The following HTT variants were observed in gnomAD, a reference collection of about 807,000 sequenced individuals.
HTT encodes huntington disease protein.
Under a neutral mutation model 362.3 loss-of-function variants are expected in HTT, and 104 were observed. The ratio of observed to expected loss-of-function variants is 0.29; its 90% CI spans 0.24 to 0.34. The LOEUF (loss-of-function observed/expected upper bound fraction) is 0.34, where lower values mean the gene tolerates loss of function less well. HTT is among the 10% of genes least tolerant of loss of function. The pLI is 1.00. For synonymous variants in HTT, 1,577 were observed against 1,548.7 expected, an observed-to-expected ratio of 1.02 and a Z score of -0.43; for missense variants, 3,301 against 3,928.6, an observed-to-expected ratio of 0.84 and a Z score of 4.27.
intron 34 of HTT, 99 bp from the exon 35 acceptor site, chr4:3,178,199 C>A: frequency 2.2e-6 from 2 of 917,012 alleles, no homozygotes; most frequent in Non-Finnish European, 3.4e-6. Flanking sequence ...TTGATGTGTG[C>A]TTGCTGTCAA....
chr4:3,095,607 T>A (rs1324869864), intron 2 of HTT, among the ~76,000 whole-genome samples: 2 of 152,138 alleles, frequency 1.3e-5, no homozygotes, highest in Non-Finnish European at 2.9e-5. Context: ...AAAGAAAAAA[T>A]TTTTTGTTTG....
rs765452818 is a variant in HTT at position 3,217,867 on chromosome 4, C to A, written c.7157C>A (p.Ala2386Glu). The A allele has an allele frequency of 6.2e-7, 1 of 1,614,050 alleles. No individual in the cohort carries two copies. Among genetic ancestry groups the A allele is most frequent in the African/African-American group, 1.3e-5 (1 of 74,940 alleles). The change falls in exon 52 of 67, where the codon GCG becomes GAG. Residue 2386 changes from alanine to glutamate, a missense_variant. Physicochemically the swap from Ala to Glu is moderately radical, Grantham distance 107 (BLOSUM62 -1). This residue lies in a region of HTT where 753 missense variants were observed against 1,021.3 expected (regional missense o/e 0.74). Coordinates refer to ENST00000355072, the MANE Select transcript of HTT (RefSeq NM_001388492.1). ...LGHKRNSGVP[A>E]FLTPLLRNII... is the part of the protein sequence containing the mutation. ...CATAAAAGGAATAGCGGCGTGCCGG[C>A]GTTTCTCACGCCATTGCTAAGGAAC...
chr4:3,115,070 T>C (rs1401232224), intron 6 of HTT, among the ~76,000 whole-genome samples: 1 of 152,162 alleles, frequency 6.6e-6, no homozygotes, highest in Non-Finnish European at 1.5e-5. Flanking sequence ...AGGACATGGA[T>C]GCTGAGCAGT....
chr4:3,216,923 G>A (rs1490631784), intron 51 of HTT, among the ~76,000 whole-genome samples: 1 of 151,110 alleles, frequency 6.6e-6, no homozygotes, highest in Non-Finnish European at 1.5e-5. Context: ...TACTTGGGAG[G>A]CTGAGGCAGG....
At position 3,074,876 on chromosome 4, in the gene HTT, C is replaced by CCAGTAGCAGCAG; in HGVS notation, c.54_55insTAGCAGCAGCAG (p.Gln18_Gln19insTer). On this transcript the variant is annotated stop_gained and inframe_insertion, in exon 1 of 67. Coordinates refer to ENST00000355072, the MANE Select transcript of HTT (RefSeq NM_001388492.1). LOFTEE classifies it high-confidence loss of function. ...AGGCCTTCGAGTCCCTCAAGTCCTT[C>CCAGTAGCAGCAG]CAGCAGCAGCAGCAGCAGCAGCAGC... The CCAGTAGCAGCAG allele has an allele frequency of 7.4e-7, 1 of 1,356,356 alleles. No homozygotes were observed. The highest frequency in any genetic ancestry group is 2.3e-5 in the Admixed American group (1 of 43,584). The allele number at this position is 1,356,356 out of a possible 1,614,324, so 84.0% of individuals were successfully genotyped here. A position where few individuals can be genotyped will look rare whatever the true frequency, so the allele number is the denominator to read the frequency against.
intron 19 of HTT, among the ~76,000 whole-genome samples, chr4:3,135,667 G>C (rs747595820): frequency 6.6e-5 from 10 of 152,130 alleles, no homozygotes; most frequent in Non-Finnish European, 1.0e-4. Context: ...TTTTGAAATA[G>C]TATTTATTTT....
chr4:3,201,231 T>A (rs1719516303), intron 41 of HTT, among the ~76,000 whole-genome samples: 2 of 152,160 alleles, frequency 1.3e-5, no homozygotes, highest in South Asian at 4.1e-4. Flanking sequence ...TATCCTGAAA[T>A]AACATTAATA....
Position 3,145,278 on chromosome 4 carries a change from A to G in HTT, c.3143+50A>G, listed in dbSNP as rs777011808. 4.0e-6 allele frequency: 5 copies of G among 1,260,488 alleles called. No individual in the cohort carries two copies. In the African/African-American group the frequency reaches 5.9e-5, roughly 15 times the overall value. The allele number at this position is 1,260,488 out of a possible 1,614,324, so 78.1% of individuals were successfully genotyped here. A position where few individuals can be genotyped will look rare whatever the true frequency, so the allele number is the denominator to read the frequency against. ...TAATAGTTGTCTACAACAGTATGACATAAACATAGTTATTAGGATGCCCTT... is the reference window on the plus strand; with the variant it reads ...TAATAGTTGTCTACAACAGTATGACGTAAACATAGTTATTAGGATGCCCTT... On this transcript the variant is annotated intron_variant, in intron 24 of 66. Coordinates refer to ENST00000355072, the MANE Select transcript of HTT (RefSeq NM_001388492.1).
At chr4:3,185,762 A>G (rs891700944) in intron 37 of HTT, among the ~76,000 whole-genome samples, 2 of 152,114 alleles carry the variant, frequency 1.3e-5, no homozygotes, top group African/African-American at 4.8e-5. Context: ...GAAATACAAA[A>G]AGTAGCTGGG....
At chr4:3,191,902 TA>T (rs1719028725) in intron 40 of HTT, among the ~76,000 whole-genome samples, 1 of 152,198 alleles carries the variant, frequency 6.6e-6, no homozygotes, top group Non-Finnish European at 1.5e-5. Context: ...GTTGCAGGGA[TA>T]AAACCCCAGT....
At chr4:3,221,868 A>G (rs571823274) in intron 53 of HTT, among the ~76,000 whole-genome samples, 1 of 152,324 alleles carries the variant, frequency 6.6e-6, no homozygotes, top group South Asian at 2.1e-4. Context: ...CATTACTTTG[A>G]CTTTTAAATT....
intron 6 of HTT, chr4:3,112,929 C>A: frequency 2.1e-6 from 1 of 466,840 alleles, no homozygotes; most frequent in Non-Finnish European, 2.8e-6. Flanking sequence ...TGCTTTTACT[C>A]TTAGCCTTCC....
At chr4:3,224,857 G>A (rs984738577) in intron 56 of HTT, among the ~76,000 whole-genome samples, 1 of 152,210 alleles carries the variant, frequency 6.6e-6, no homozygotes, top group African/African-American at 2.4e-5. Flanking sequence ...TGAGCACTTG[G>A]AGGGCCATGG....
chr4:3,235,417 T>C lies in HTT; in HGVS notation c.8571+19T>C. On this transcript the variant is annotated intron_variant, in intron 62 of 66. Coordinates refer to ENST00000355072, the MANE Select transcript of HTT (RefSeq NM_001388492.1). The stretch of plus-strand genomic sequence containing the variant: ...AATACAGGTGAGTGGGCCCTGGCTG[T>C]CTTCCTCTGCACACGGGGAGTGGGC... 6.5e-7 allele frequency: 1 copy of C among 1,549,066 alleles called. No individual in the cohort carries two copies. Among genetic ancestry groups the C allele is most frequent in the Non-Finnish European group, 8.9e-7 (1 of 1,120,774 alleles).
At chr4:3,208,703 G>A in intron 45 of HTT, 70 bp from the exon 46 acceptor site, 1 of 1,393,572 alleles carries the variant, frequency 7.2e-7, no homozygotes, top group Non-Finnish European at 9.6e-7. Context: ...CTAGTGTGCA[G>A]AGTTTAGACT....
At chr4:3,163,445 T>G (rs1717541064) in intron 29 of HTT, among the ~76,000 whole-genome samples, 1 of 152,224 alleles carries the variant, frequency 6.6e-6, no homozygotes, top group East Asian at 1.9e-4. Context: ...CCTCATAAAA[T>G]GAGTTAGGGA....
intron 34 of HTT, among the ~76,000 whole-genome samples, chr4:3,177,653 T>C (rs1578563254): frequency 6.6e-6 from 1 of 152,236 alleles, no homozygotes; most frequent in African/African-American, 2.4e-5. Flanking sequence ...TGTTGACAGA[T>C]GGTGGAATGA....
chr4:3,207,018 T>C (rs759756532), intron 44 of HTT, 35 bp downstream of exon 44: 11 of 1,574,440 alleles, frequency 7.0e-6, no homozygotes, highest in Middle Eastern at 1.7e-4. Flanking sequence ...TTGATTTATA[T>C]TGAAAATTTA....
chr4:3,110,832 G>A (rs1296857150), intron 6 of HTT, among the ~76,000 whole-genome samples: 1 of 151,962 alleles, frequency 6.6e-6, no homozygotes, highest in Non-Finnish European at 1.5e-5. Context: ...CTTCAGTTCT[G>A]GGAAAATTTT....
Sources: allele counts gnomAD v4.1 joint callset (sites outside exome capture counted in the v4.1 genomes callset), GRCh38; gene constraint gnomAD v4.1.1; regional missense constraint gnomAD v4.1.1; transcripts MANE v1.5; gene names NCBI Gene and HGNC (gene_info 2026-07-23, HGNC 2026-07-21).